Variants in MED12L observed in about 807,000 individuals in gnomAD.
MED12L encodes mediator of RNA polymerase II transcription subunit 12-like protein.
MED12L carries 60 observed loss-of-function variants against 281.3 expected under a neutral mutation model. The observed-to-expected ratio is 0.21, with a 90% CI of 0.17 to 0.26. MED12L has a LOEUF of 0.26. MED12L is among the 10% of genes least tolerant of loss of function. MED12L has a pLI of 1.00. For missense variants in MED12L, 2,146 were observed against 2,680.9 expected (o/e 0.80, Z 4.41); for synonymous variants, 974 against 987.2 (o/e 0.99, Z 0.25).
chr3:151,402,465 A>T (rs1715807725), intron 39 of MED12L, among the ~76,000 whole-genome samples: 1 of 152,132 alleles, frequency 6.6e-6, no homozygotes, highest in African/African-American at 2.4e-5. Flanking sequence ...TTTACTGGGG[A>T]TGGGGCTAAT....
At chr3:151,126,633 T>A (rs1714568979) in intron 4 of MED12L, among the ~76,000 whole-genome samples, 1 of 152,208 alleles carries the variant, frequency 6.6e-6, no homozygotes, top group South Asian at 2.1e-4. Context: ...GCCTTGATTT[T>A]CACAAAATCA....
At chr3:151,298,813 A>T (rs1055418131) in intron 16 of MED12L, among the ~76,000 whole-genome samples, 1 of 152,136 alleles carries the variant, frequency 6.6e-6, no homozygotes, top group Non-Finnish European at 1.5e-5. Flanking sequence ...TTTAAATTTA[A>T]ATTAAACATA....
Position 151,319,482 on chromosome 3 carries a change from T to C in MED12L, c.2251-30577T>C, listed in dbSNP as rs1039311388. On this transcript the variant is annotated intron_variant, in intron 16 of 44. Coordinates refer to ENST00000687756, the MANE Select transcript of MED12L (RefSeq NM_001393769.1). Reference sequence around the variant, plus strand: ...GTGTGTGTGTGCGTGTGTGTGTGTGTGTGTGTGTGTGTGTGTGTGTGTGTC... The same window carrying C: ...GTGTGTGTGTGCGTGTGTGTGTGTGCGTGTGTGTGTGTGTGTGTGTGTGTC... Among the ~76,000 whole-genome samples the C allele has an allele frequency of 3.5e-3, 521 of 150,542 alleles. 3 individuals carry two copies. The highest frequency in any genetic ancestry group is 0.012 in the African/African-American group (505 of 40,838).
intron 2 of MED12L, among the ~76,000 whole-genome samples, chr3:151,110,657 A>T (rs950843713): frequency 1.3e-5 from 2 of 152,186 alleles, no homozygotes; most frequent in South Asian, 4.1e-4. Context: ...CACAGAAGTG[A>T]CAGCTTCTTT....
chr3:151,194,074 T>C (rs917840147), intron 16 of MED12L, among the ~76,000 whole-genome samples: 1 of 151,612 alleles, frequency 6.6e-6, no homozygotes, highest in Non-Finnish European at 1.5e-5. Flanking sequence ...CAAGTGATTC[T>C]TTTGCCTCAG....
chr3:151,233,366 A>G lies in MED12L; in HGVS notation c.2250+39700A>G, dbSNP rs149436609. On this transcript the variant is annotated intron_variant, in intron 16 of 44. Coordinates refer to ENST00000687756, the MANE Select transcript of MED12L (RefSeq NM_001393769.1). ...GACAGTGTTAATTGCTTTTAAATAT[A>G]GTCTTTCTTTTCAATGGAATGTTTG... is the stretch of plus-strand genomic sequence containing the variant. Among the ~76,000 whole-genome samples the G allele has an allele frequency of 1.8e-3, 273 of 152,344 alleles. 1 individual carries two copies. The highest frequency in any genetic ancestry group is 6.2e-3 in the African/African-American group (259 of 41,582).
chr3:151,119,018 A>G (rs990073428), intron 3 of MED12L, among the ~76,000 whole-genome samples: 6 of 152,162 alleles, frequency 3.9e-5, no homozygotes, highest in African/African-American at 1.2e-4. Flanking sequence ...TAATTGGTCT[A>G]CTTTAAAAAA....
At chr3:151,290,401 G>A (rs1297300565) in intron 16 of MED12L, among the ~76,000 whole-genome samples, 1 of 152,018 alleles carries the variant, frequency 6.6e-6, no homozygotes, top group Non-Finnish European at 1.5e-5. Context: ...AAAACTTCAA[G>A]AGTATTCAAA....
Position 151,339,501 on chromosome 3 carries a change from T to C in MED12L, c.2251-10558T>C, listed in dbSNP as rs138275670. ...TTCCTGCCTCTATATTGCTCACTCA[T>C]TCAAAGATTGGCCTCACGGAGATTC... is the stretch of plus-strand genomic sequence containing the variant. On this transcript the variant is annotated intron_variant, in intron 16 of 44. Transcript: ENST00000687756. Among the ~76,000 whole-genome samples the C allele has an allele frequency of 1.8e-3, 279 of 152,166 alleles. 1 individual carries two copies. The highest frequency in any genetic ancestry group is 6.4e-3 in the African/African-American group (267 of 41,546).
At chr3:151,395,284 C>A (rs1398348043) in intron 39 of MED12L, among the ~76,000 whole-genome samples, 1 of 151,966 alleles carries the variant, frequency 6.6e-6, no homozygotes, top group Admixed American at 6.6e-5. Context: ...TCTCTGAAGC[C>A]CTGATGTTTC....
At chr3:151,424,039 G>A (rs893058364) in intron 43 of MED12L, among the ~76,000 whole-genome samples, 2 of 152,178 alleles carry the variant, frequency 1.3e-5, no homozygotes, top group Non-Finnish European at 2.9e-5. Flanking sequence ...AAATTCATTT[G>A]TTCCATTCAG....
At chr3:151,174,317 T>C (rs182605916) in intron 11 of MED12L, among the ~76,000 whole-genome samples, 9 of 152,358 alleles carry the variant, frequency 5.9e-5, no homozygotes, top group Admixed American at 2.0e-4. Context: ...CTTTCTGTTA[T>C]GCAATTATGT....
intron 20 of MED12L, 149 bp from the exon 21 acceptor site, chr3:151,360,325 T>C (rs1210639371): frequency 2.3e-5 from 15 of 655,048 alleles, no homozygotes; most frequent in Non-Finnish European, 3.6e-5. Flanking sequence ...TATATTGTAC[T>C]GAGTTATTTA....
At chr3:151,398,181 C>T (rs985268754) in intron 39 of MED12L, among the ~76,000 whole-genome samples, 1 of 152,230 alleles carries the variant, frequency 6.6e-6, no homozygotes, top group Non-Finnish European at 1.5e-5. Flanking sequence ...TTTATCCACA[C>T]ACCCTTCTCA....
chr3:151,122,586 TG>T (rs1713920557), intron 3 of MED12L, among the ~76,000 whole-genome samples, 196 bp from the exon 4 acceptor site: 1 of 152,164 alleles, frequency 6.6e-6, no homozygotes, highest in South Asian at 2.1e-4. Flanking sequence ...TTGTGAGTAG[TG>T]GTATAAAGGT....
intron 31 of MED12L, among the ~76,000 whole-genome samples, chr3:151,378,803 T>G (rs535409029): frequency 6.6e-6 from 1 of 152,216 alleles, no homozygotes; most frequent in Non-Finnish European, 1.5e-5. Flanking sequence ...TAAAAAAATA[T>G]TTTAAGCACA....
At chr3:151,375,058 A>G (rs1380107555) in intron 27 of MED12L, among the ~76,000 whole-genome samples, 1 of 152,250 alleles carries the variant, frequency 6.6e-6, no homozygotes, top group South Asian at 2.1e-4. Flanking sequence ...CTACATAGTC[A>G]TATAAGTATT....
At chr3:151,113,573 G>A (rs182479776) in intron 2 of MED12L, among the ~76,000 whole-genome samples, 4 of 152,316 alleles carry the variant, frequency 2.6e-5, no homozygotes, top group East Asian at 3.9e-4. Context: ...ATTGCATTGC[G>A]TAAGCATGAG....
Position 151,369,450 on chromosome 3 carries a change from G to A in MED12L, c.3565G>A (p.Gly1189Arg), listed in dbSNP as rs1468254856. Residue 1189 changes from glycine to arginine, a missense_variant, in exon 26 of 45, where the codon GGA (glycine) becomes AGA (arginine). By Grantham distance (125) the Gly-to-Arg change is moderately radical. This residue lies in a region of MED12L where 404 missense variants were observed against 603.5 expected (regional missense o/e 0.67). Coordinates refer to ENST00000687756, the MANE Select transcript of MED12L (RefSeq NM_001393769.1). Reference sequence around the variant, plus strand: ...TGTTTTTGTAGGCAAACCTTTCCCTGGAATAAGATCATCTTGTGATAGACA... The same window carrying A: ...TGTTTTTGTAGGCAAACCTTTCCCTAGAATAAGATCATCTTGTGATAGACA... ...LPQATGKPFPGIRSSCDRHLL... is the reference protein window; with the variant it reads ...LPQATGKPFPRIRSSCDRHLL... 2 of 1,603,532 alleles carry A rather than the reference G, an allele frequency of 1.2e-6. No homozygotes were observed. Among genetic ancestry groups the A allele is most frequent in the Non-Finnish European group, 8.5e-7 (1 of 1,174,704 alleles).
Sources: allele counts gnomAD v4.1 joint callset (sites outside exome capture counted in the v4.1 genomes callset), GRCh38; gene constraint gnomAD v4.1.1; regional missense constraint gnomAD v4.1.1; transcripts MANE v1.5; gene names NCBI Gene and HGNC (gene_info 2026-07-23, HGNC 2026-07-21).